Variants in MKNK1 observed in about 807,000 individuals in gnomAD.
MKNK1 encodes MAP kinase-interacting serine/threonine-protein kinase 1.
In MKNK1, 30 loss-of-function variants were observed where a neutral mutation model predicts 49.3. The observed-to-expected ratio is 0.61, with a 90% CI of 0.46 to 0.83. The LOEUF (loss-of-function observed/expected upper bound fraction) is 0.83. MKNK1 is among the 40% of genes least tolerant of loss of function. The probability of loss-of-function intolerance (pLI) is 0.00; values close to 1 mark genes in which losing one functional copy is unlikely to be tolerated. For missense variants in MKNK1, 423 were observed against 524.7 expected, an observed-to-expected ratio of 0.81 and a Z score of 1.89; for synonymous variants, 176 against 201.7, an observed-to-expected ratio of 0.87 and a Z score of 1.08.
chr1:46,564,803 C>G lies in MKNK1; in HGVS notation c.609+238G>C, dbSNP rs201026438. Among the ~76,000 whole-genome samples the G allele has an allele frequency of 2.6e-5, 4 of 152,100 alleles. No individual in the cohort carries two copies. The East Asian group carries it at 7.7e-4, about 29-fold the overall frequency. The stretch of plus-strand genomic sequence containing the variant: ...CTGTGCTTATAGATATAATTTGTCT[C>G]TTCATCAGCAGAGAGGACCCAACCC... On this transcript the variant is annotated intron_variant, in intron 9 of 12. Coordinates refer to ENST00000371945, the MANE Select transcript of MKNK1 (RefSeq NM_001135553.4).
chr1:46,566,740 T>G (rs1395204964), intron 8 of MKNK1, among the ~76,000 whole-genome samples: 2 of 152,220 alleles, frequency 1.3e-5, no homozygotes, highest in Non-Finnish European at 2.9e-5. Flanking sequence ...TGACTAAGGA[T>G]GTTGAGCATC....
intron 8 of MKNK1, among the ~76,000 whole-genome samples, chr1:46,567,817 T>G (rs1669338473): frequency 6.6e-6 from 1 of 152,342 alleles, no homozygotes; most frequent in African/African-American, 2.4e-5. Context: ...AGAGATCTGC[T>G]TCACATAAGA....
intron 1 of MKNK1, among the ~76,000 whole-genome samples, chr1:46,598,831 T>G (rs1674386925): frequency 2.0e-5 from 3 of 152,208 alleles, no homozygotes; most frequent in Admixed American, 6.5e-5. Context: ...ATATAAACTC[T>G]AGTCTCTCTG....
intron 2 of MKNK1, among the ~76,000 whole-genome samples, chr1:46,591,367 G>C (rs1465169559): frequency 6.6e-6 from 1 of 152,142 alleles, no homozygotes; most frequent in Non-Finnish European, 1.5e-5. Flanking sequence ...ATCCCCCACA[G>C]GCCTCAGACA....
At position 46,559,850 on chromosome 1, in the gene MKNK1, C is replaced by T. The variant is rs146309718; in HGVS notation, c.1013+384G>A. 1.8e-4 allele frequency: 37 copies of T among 209,750 alleles called. No homozygotes were observed. In the East Asian group the frequency reaches 3.0e-3, roughly 17 times the overall value. 13.0% of individuals were successfully genotyped at this position (209,750 alleles called of 1,614,324 possible). A position where few individuals can be genotyped will look rare whatever the true frequency, so the allele number is the denominator to read the frequency against. ...CCTGGTGGCCACTATTATCACTGTC[C>T]GTCTAGTACCGTACGTGCCCCTCAC... On this transcript the variant is annotated intron_variant, in intron 12 of 12. Coordinates refer to ENST00000371945, the MANE Select transcript of MKNK1 (RefSeq NM_001135553.4).
Position 46,574,821 on chromosome 1 carries a change from G to C in MKNK1, c.352+126C>G, listed in dbSNP as rs181714056. 1,614 of 617,080 alleles carry C rather than the reference G, an allele frequency of 2.6e-3. 24 individuals carry two copies. The highest frequency in any genetic ancestry group is 2.4e-4 in the Non-Finnish European group (85 of 348,522). The allele number at this position is 617,080 out of a possible 1,614,324, so 38.2% of individuals were successfully genotyped here. A position where few individuals can be genotyped will look rare whatever the true frequency, so the allele number is the denominator to read the frequency against. On this transcript the variant is annotated intron_variant, in intron 6 of 12. Coordinates refer to ENST00000371945, the MANE Select transcript of MKNK1 (RefSeq NM_001135553.4). ...CGGCCTCCCTTCTCCCAAATCAAGGGCAGTTTTTAAGTCCTTCATCCTTTT... is the reference window on the plus strand; with the variant it reads ...CGGCCTCCCTTCTCCCAAATCAAGGCCAGTTTTTAAGTCCTTCATCCTTTT...
intron 9 of MKNK1, among the ~76,000 whole-genome samples, chr1:46,563,780 T>C (rs1668467791): frequency 6.6e-6 from 1 of 151,708 alleles, no homozygotes; most frequent in East Asian, 1.9e-4. Flanking sequence ...GCGTGGTGGC[T>C]CACGCCTGTA....
chr1:46,580,416 G>C, intron 4 of MKNK1, 114 bp downstream of exon 4: 1 of 769,066 alleles, frequency 1.3e-6, no homozygotes, highest in Non-Finnish European at 2.2e-6. Flanking sequence ...TTTGAATCCA[G>C]TGAATACAGC....
chr1:46,562,954 G>C, intron 9 of MKNK1, 111 bp from the exon 10 acceptor site: 1 of 932,744 alleles, frequency 1.1e-6, no homozygotes, highest in Non-Finnish European at 1.6e-6. Context: ...CAGGAGGCTG[G>C]AAGGATGAGA....
intron 1 of MKNK1, among the ~76,000 whole-genome samples, chr1:46,599,643 G>A (rs1268320925): frequency 6.6e-6 from 1 of 152,170 alleles, no homozygotes; most frequent in Non-Finnish European, 1.5e-5. Context: ...AGAGAAAACC[G>A]AGCGCCAGTC....
chr1:46,588,555 C>T (rs924183629), intron 2 of MKNK1, among the ~76,000 whole-genome samples: 1 of 152,310 alleles, frequency 6.6e-6, no homozygotes, highest in East Asian at 1.9e-4. Flanking sequence ...CGCCTGTAAT[C>T]CCAGCACTTT....
intron 9 of MKNK1, chr1:46,563,123 G>T (rs1668342565): frequency 2.5e-6 from 1 of 392,508 alleles, no homozygotes; most frequent in Non-Finnish European, 4.5e-6. Flanking sequence ...GAAGTTCCAG[G>T]AATCTCCCCC....
At chr1:46,586,043 G>T in intron 2 of MKNK1, 1 of 705,360 alleles carries the variant, frequency 1.4e-6, no homozygotes, top group Non-Finnish European at 2.2e-6. Flanking sequence ...TGGTTACACA[G>T]GGGGAAGCGA....
At chr1:46,564,057 A>AAAAG (rs1299425416) in intron 9 of MKNK1, among the ~76,000 whole-genome samples, 1 of 148,702 alleles carries the variant, frequency 6.7e-6, no homozygotes, top group Non-Finnish European at 1.5e-5. Context: ...AAAAAAAAAA[A>AAAAG]AAAAAAAAGG....
intron 1 of MKNK1, among the ~76,000 whole-genome samples, chr1:46,599,531 T>C (rs895204485): frequency 6.6e-6 from 1 of 152,232 alleles, no homozygotes; most frequent in Non-Finnish European, 1.5e-5. Context: ...ACCTAGTCCA[T>C]GCAGCTTCCA....
rs116588707 is a variant in MKNK1, at chr1:46,576,796, C to T, written c.199-142G>A. The T allele has an allele frequency of 1.7e-4, 120 of 715,508 alleles. No homozygotes were observed. In the African/African-American group the frequency reaches 1.9e-3, roughly 11 times the overall value. The allele number at this position is 715,508 out of a possible 1,614,324, so 44.3% of individuals were successfully genotyped here. On this transcript the variant is annotated intron_variant, in intron 4 of 12. Coordinates refer to ENST00000371945, the MANE Select transcript of MKNK1 (RefSeq NM_001135553.4). ...AGTCTGGCCTAGGCCTTGGTGACACCGGCACTGTGGCTCTGTTGGCAAAGC... is the reference window on the plus strand; with the variant it reads ...AGTCTGGCCTAGGCCTTGGTGACACTGGCACTGTGGCTCTGTTGGCAAAGC...
Position 46,594,222 on chromosome 1 carries a change from A to G in MKNK1, c.-112T>C, listed in dbSNP as rs1673746459. Reference sequence around the variant, plus strand: ...GTCTTCCAGCTACACGAAGTGTCTCAATGGCCTTTGTGCGTAGGTGGCAAT... The same window carrying G: ...GTCTTCCAGCTACACGAAGTGTCTCGATGGCCTTTGTGCGTAGGTGGCAAT... On this transcript the variant is annotated 5_prime_UTR_variant, in exon 2 of 13. Transcript: ENST00000371945. The G allele has an allele frequency of 1.7e-6, 2 of 1,199,542 alleles. No individual in the cohort carries two copies. Among genetic ancestry groups the G allele is most frequent in the Non-Finnish European group, 2.5e-6 (2 of 804,116 alleles). The allele number at this position is 1,199,542 out of a possible 1,614,324, so 74.3% of individuals were successfully genotyped here.
chr1:46,596,294 A>T (rs1674056666), intron 1 of MKNK1, among the ~76,000 whole-genome samples: 1 of 152,198 alleles, frequency 6.6e-6, no homozygotes, highest in East Asian at 1.9e-4. Flanking sequence ...TGGACACTGA[A>T]ATTTAAATTT....
rs1207708888 is a variant in MKNK1, at chr1:46,580,599, A to C, written c.129T>G (p.Leu43=). 2 of 1,613,894 alleles carry C rather than the reference A, an allele frequency of 1.2e-6. No individual in the cohort carries two copies. Among genetic ancestry groups the C allele is most frequent in the Non-Finnish European group, 1.7e-6 (2 of 1,179,896 alleles). The change falls in exon 4 of 13, where the codon CTT becomes CTG. Residue 43 remains leucine (L), a synonymous_variant. Transcript: ENST00000371945. The part of the protein sequence containing the change: ...EDMYKLTSEL[L]GEGAYAKVQG... ...GAACTTTGGCATAGGCTCCCTCTCC[A>C]AGCAATTCAGAGGTCAGCTTGTACA...
Sources: allele counts gnomAD v4.1 joint callset (sites outside exome capture counted in the v4.1 genomes callset), GRCh38; gene constraint gnomAD v4.1.1; transcripts MANE v1.5; gene names NCBI Gene and HGNC (gene_info 2026-07-23, HGNC 2026-07-21).